Variants in PKD2L1 observed in about 807,000 individuals in gnomAD.
The protein encoded by PKD2L1 is polycystin 2 like 1, transient receptor potential cation channel, also known as polycystin-2-like protein 1.
Under a neutral mutation model 93.0 loss-of-function variants are expected in PKD2L1, and 77 were observed. The ratio of observed to expected loss-of-function variants is 0.83; its 90% CI spans 0.69 to 1.00. The LOEUF is 1.00. Among genes scored for constraint, PKD2L1 ranks in the 50% least tolerant of loss-of-function variants. The pLI is 0.00. For missense variants in PKD2L1, 977 were observed against 990.9 expected (o/e 0.99, Z 0.19); for synonymous variants, 390 against 388.0 (o/e 1.01, Z -0.06).
In PKD2L1 at chr10:100,329,248, C is replaced by T. The variant is rs375852960; in HGVS notation, c.312G>A (p.Leu104=). The T allele has an allele frequency of 3.7e-5, 59 of 1,614,014 alleles. No individual in the cohort carries two copies. In the African/African-American group the frequency reaches 4.7e-4, roughly 13 times the overall value. The change falls in exon 2 of 16, where the codon CTG becomes CTA. Residue 104 remains leucine (L), a synonymous_variant. Transcript: ENST00000318222. ...ELYIKTTLRE[L]LVYIVFLVDI... is the part of the protein sequence containing the mutation. Reference sequence around the variant, plus strand: ...CCACCAGGAACACAATATATACCAACAGCTCCCTCAGGGTGGTCTTGATAT... The same window carrying T: ...CCACCAGGAACACAATATATACCAATAGCTCCCTCAGGGTGGTCTTGATAT...
At chr10:100,296,101 G>A (rs765686545) in intron 7 of PKD2L1, 21 bp downstream of exon 7, 26 of 1,590,850 alleles carry the variant, frequency 1.6e-5, no homozygotes, top group Middle Eastern at 3.3e-4. Flanking sequence ...AAGCAAAGCT[G>A]GGTGTGGGAA....
intron 7 of PKD2L1, 111 bp from the exon 8 acceptor site, chr10:100,295,234 A>G: frequency 1.3e-6 from 1 of 767,066 alleles, no homozygotes; most frequent in Non-Finnish European, 2.2e-6. Flanking sequence ...AGACAAAGAA[A>G]ATGAGACACA....
intron 2 of PKD2L1, among the ~76,000 whole-genome samples, chr10:100,324,962 G>A (rs1488205269): frequency 3.3e-5 from 5 of 152,124 alleles, no homozygotes; most frequent in East Asian, 3.9e-4. Flanking sequence ...CAGCCACCCC[G>A]CTTGGTGCCA....
intron 4 of PKD2L1, 148 bp from the exon 5 acceptor site, chr10:100,297,754 T>C: frequency 5.3e-6 from 3 of 563,164 alleles, no homozygotes; most frequent in South Asian, 4.4e-5. Context: ...GTATGAGATA[T>C]GTGATATATA....
intron 3 of PKD2L1, 58 bp downstream of exon 3, chr10:100,299,533 C>G (rs772445664): frequency 1.6e-5 from 24 of 1,525,142 alleles, no homozygotes; most frequent in Non-Finnish European, 2.2e-5. Context: ...GTTGTCTGAC[C>G]TGTGGCCTCA....
intron 1 of PKD2L1, 134 bp from the exon 2 acceptor site, chr10:100,329,458 A>T: frequency 7.9e-7 from 1 of 1,261,482 alleles, no homozygotes; most frequent in East Asian, 2.5e-5. Context: ...TCCTTGGCTG[A>T]ATCTGGCTAC....
intron 2 of PKD2L1, among the ~76,000 whole-genome samples, chr10:100,301,645 G>C (rs962631541): frequency 2.0e-5 from 3 of 152,108 alleles, no homozygotes; most frequent in African/African-American, 4.8e-5. Context: ...TTCTTATCCT[G>C]TTCTCAAGGT....
rs915622238 is a variant in PKD2L1 at position 100,294,728 on chromosome 10, G to T, written c.1539-73C>A. On this transcript the variant is annotated intron_variant, in intron 8 of 15. Coordinates refer to ENST00000318222, the MANE Select transcript of PKD2L1 (RefSeq NM_016112.3). ...CATCCCACTTTCCTAATCACAGAGA[G>T]ACCCCTCACCACACGTTCACCCCAA... The T allele has an allele frequency of 1.3e-5, 20 of 1,593,322 alleles. No homozygotes were observed. The Admixed American group carries it at 3.0e-4, about 24-fold the overall frequency.
intron 2 of PKD2L1, among the ~76,000 whole-genome samples, chr10:100,309,253 T>G (rs1167546334): frequency 6.6e-6 from 1 of 152,142 alleles, no homozygotes. Flanking sequence ...AAATGAAAAT[T>G]ATTTTGAAAA....
At chr10:100,290,246 A>C in intron 13 of PKD2L1, 108 bp from the exon 14 acceptor site, 5 of 1,439,044 alleles carry the variant, frequency 3.5e-6, no homozygotes, top group Non-Finnish European at 4.8e-6. Flanking sequence ...TGGAACAAGG[A>C]AGGGAAGACC....
chr10:100,315,155 A>G (rs1849072412), intron 2 of PKD2L1, among the ~76,000 whole-genome samples: 1 of 148,984 alleles, frequency 6.7e-6, no homozygotes. Flanking sequence ...CCAAACTAGG[A>G]ACAGTGATTA....
chr10:100,296,396 GA>G, intron 6 of PKD2L1, 104 bp from the exon 7 acceptor site: 3 of 879,138 alleles, frequency 3.4e-6, no homozygotes, highest in South Asian at 2.1e-5. Context: ...AGACAGGTGG[GA>G]AAAAAGCCAT....
chr10:100,290,204 G>A, intron 13 of PKD2L1, 66 bp from the exon 14 acceptor site: 1 of 1,596,860 alleles, frequency 6.3e-7, no homozygotes, highest in South Asian at 1.1e-5. Context: ...TGTCTAAAGA[G>A]CCAGGGTTCA....
At chr10:100,308,648 A>G (rs1263639254) in intron 2 of PKD2L1, among the ~76,000 whole-genome samples, 1 of 152,168 alleles carries the variant, frequency 6.6e-6, no homozygotes, top group Non-Finnish European at 1.5e-5. Flanking sequence ...GAATGGTGTT[A>G]AATAACTTTT....
intron 2 of PKD2L1, among the ~76,000 whole-genome samples, chr10:100,327,754 T>C (rs1021911291): frequency 5.3e-5 from 8 of 152,272 alleles, no homozygotes; most frequent in African/African-American, 1.9e-4. Flanking sequence ...CCCCACAATA[T>C]GTACATTGGG....
At chr10:100,328,389 C>T (rs1564617899) in intron 2 of PKD2L1, among the ~76,000 whole-genome samples, 1 of 152,240 alleles carries the variant, frequency 6.6e-6, no homozygotes, top group Non-Finnish European at 1.5e-5. Flanking sequence ...TGGTCTCTCA[C>T]ATGGGACCAT....
At chr10:100,310,948 C>G (rs1259916994) in intron 2 of PKD2L1, among the ~76,000 whole-genome samples, 17 of 152,172 alleles carry the variant, frequency 1.1e-4, no homozygotes, top group African/African-American at 4.1e-4. Flanking sequence ...CCAGGCTGGT[C>G]TCGAACTCCT....
chr10:100,302,256 TAC>T (rs56239118), intron 2 of PKD2L1, among the ~76,000 whole-genome samples: 74 of 147,106 alleles, frequency 5.0e-4, no homozygotes, highest in East Asian at 9.9e-4. Flanking sequence ...CACACACGCA[TAC>T]ACACACACAC....
At position 100,290,392 on chromosome 10, in the gene PKD2L1, T is replaced by C; in HGVS notation, c.2126+9A>G. ...CAGCCCTGAACCAGCCTTTCTTGGC[T>C]GCACGTACATGTAGAATTCTTCTCC... is the stretch of plus-strand genomic sequence containing the variant. On this transcript the variant is annotated intron_variant, in intron 13 of 15. Transcript: ENST00000318222. The C allele has an allele frequency of 6.3e-7, 1 of 1,576,094 alleles. No homozygotes were observed. The highest frequency in any genetic ancestry group is 8.7e-7 in the Non-Finnish European group (1 of 1,146,950).
Sources: gnomAD v4.1 joint callset for allele counts (sites outside exome capture counted in the v4.1 genomes callset) on GRCh38, gnomAD v4.1.1 for gene constraint, MANE v1.5 for transcripts, NCBI Gene and HGNC (gene_info 2026-07-23, HGNC 2026-07-21) for gene names.